The following GLB1L2 variants were observed in gnomAD, a reference collection of about 807,000 sequenced individuals.
GLB1L2 encodes the protein beta-galactosidase-1-like protein 2.
Under a neutral mutation model 84.1 loss-of-function variants are expected in GLB1L2, and 68 were observed. That is an observed-to-expected ratio of 0.81 (90% CI 0.67 to 0.99). The LOEUF (loss-of-function observed/expected upper bound fraction) is 0.99, where lower values mean the gene tolerates loss of function less well. Among genes scored for constraint, GLB1L2 ranks in the 50% least tolerant of loss-of-function variants. The probability of loss-of-function intolerance (pLI) is 0.00; values close to 1 mark genes in which losing one functional copy is unlikely to be tolerated. For synonymous variants in GLB1L2, 290 were observed against 318.0 expected (o/e 0.91, Z 0.94); for missense variants, 762 against 805.6 (o/e 0.95, Z 0.66).
intron 1 of GLB1L2, among the ~76,000 whole-genome samples, chr11:134,341,528 GT>G (rs1943462574): frequency 6.6e-6 from 1 of 152,200 alleles, no homozygotes; most frequent in Non-Finnish European, 1.5e-5. Context: ...GAACATGGAA[GT>G]TTTCTCTTTA....
intron 1 of GLB1L2, among the ~76,000 whole-genome samples, chr11:134,332,534 C>T (rs1269427354): frequency 6.6e-6 from 1 of 152,160 alleles, no homozygotes; most frequent in Non-Finnish European, 1.5e-5. Flanking sequence ...TCTGCCCTTC[C>T]CCCAGGCCCC....
At chr11:134,362,854 G>C (rs1402423431) in intron 7 of GLB1L2, among the ~76,000 whole-genome samples, 1 of 152,160 alleles carries the variant, frequency 6.6e-6, no homozygotes, top group Non-Finnish European at 1.5e-5. Flanking sequence ...CTGGGAGTGG[G>C]GTGAGGCCTT....
intron 7 of GLB1L2, among the ~76,000 whole-genome samples, chr11:134,362,445 C>G (rs995532528): frequency 6.6e-6 from 1 of 152,342 alleles, no homozygotes; most frequent in South Asian, 2.1e-4. Context: ...AGGAAAGAGG[C>G]TCTCGGCTGC....
chr11:134,336,660 C>G (rs565416827), intron 1 of GLB1L2, among the ~76,000 whole-genome samples: 1 of 152,186 alleles, frequency 6.6e-6, no homozygotes, highest in East Asian at 1.9e-4. Context: ...AAGGAGATTC[C>G]GAGCCCAACT....
intron 8 of GLB1L2, among the ~76,000 whole-genome samples, chr11:134,365,888 G>A (rs1385944968): frequency 6.6e-6 from 1 of 152,210 alleles, no homozygotes. Flanking sequence ...CATGACCCGT[G>A]ATGGACAGAA....
chr11:134,345,161 G>A (rs1943536912), intron 4 of GLB1L2, 32 bp downstream of exon 4: 3 of 1,559,120 alleles, frequency 1.9e-6, no homozygotes, highest in Non-Finnish European at 2.6e-6. Flanking sequence ...CCTGTGTGCT[G>A]TGGCAAAAAG....
chr11:134,356,116 T>G, intron 5 of GLB1L2, 185 bp from the exon 6 acceptor site: 6 of 700,596 alleles, frequency 8.6e-6, no homozygotes, highest in African/African-American at 1.7e-5. Context: ...CTGGAGTTGT[T>G]TTCTTGATGT....
intron 1 of GLB1L2, 50 bp downstream of exon 1, chr11:134,332,197 C>T: frequency 3.0e-6 from 4 of 1,314,414 alleles, no homozygotes; most frequent in Non-Finnish European, 3.1e-6. Context: ...TTCCCCAGCC[C>T]TCCGCACCTC....
At chr11:134,357,623 G>C (rs1035177874) in intron 6 of GLB1L2, among the ~76,000 whole-genome samples, 4 of 152,256 alleles carry the variant, frequency 2.6e-5, no homozygotes, top group South Asian at 2.1e-4. Flanking sequence ...CCCCACGAGA[G>C]GAGAGTGCAG....
intron 10 of GLB1L2, among the ~76,000 whole-genome samples, chr11:134,369,253 T>C (rs1297111734): frequency 6.6e-6 from 1 of 152,320 alleles, no homozygotes; most frequent in South Asian, 2.1e-4. Flanking sequence ...AGTGTAGTAG[T>C]GTGATCATAG....
At chr11:134,356,712 C>T (rs1943707860) in intron 6 of GLB1L2, among the ~76,000 whole-genome samples, 1 of 152,198 alleles carries the variant, frequency 6.6e-6, no homozygotes, top group African/African-American at 2.4e-5. Context: ...TGGTTCCCAG[C>T]CCAGGCTGCA....
In GLB1L2 at chr11:134,338,533, C is replaced by G. The variant is rs965945436; in HGVS notation, c.87-4221C>G. On this transcript the variant is annotated intron_variant, in intron 1 of 18. Transcript: ENST00000535456. This position sits in a 1 kb window ranked among gnomAD's most constrained non-coding sequence, Gnocchi z 6.2. ...GCACTTTTTACTACACCTGGAATCT[C>G]CTGCCTGCTGGGGCCTGCCCTGTAC... Among the ~76,000 whole-genome samples, 2 of 152,170 alleles carry G rather than the reference C, an allele frequency of 1.3e-5. No individual in the cohort carries two copies. The highest frequency in any genetic ancestry group is 4.8e-5 in the African/African-American group (2 of 41,442).
At chr11:134,369,343 C>T (rs543270567) in intron 10 of GLB1L2, among the ~76,000 whole-genome samples, 1 of 152,220 alleles carries the variant, frequency 6.6e-6, no homozygotes, top group Non-Finnish European at 1.5e-5. Flanking sequence ...CAGGTGTGCA[C>T]CCCCACCTCT....
chr11:134,370,199 G>T lies in GLB1L2; in HGVS notation c.1109-94G>T. Reference sequence around the variant, plus strand: ...TTCCTCTTGGTGCTGGGACGCAGGAGCACATCGGGTCTGTGGATGGGAGCC... The same window carrying T: ...TTCCTCTTGGTGCTGGGACGCAGGATCACATCGGGTCTGTGGATGGGAGCC... On this transcript the variant is annotated intron_variant, in intron 11 of 18. Transcript: ENST00000535456. This position sits in a 1 kb window ranked among gnomAD's most constrained non-coding sequence, Gnocchi z 4.7. 9.8e-7 allele frequency: 1 copy of T among 1,016,216 alleles called. No individual in the cohort carries two copies. The highest frequency in any genetic ancestry group is 1.6e-6 in the Non-Finnish European group (1 of 644,510). The allele number at this position is 1,016,216 out of a possible 1,614,324, so 62.9% of individuals were successfully genotyped here. A position where few individuals can be genotyped will look rare whatever the true frequency, so the allele number is the denominator to read the frequency against.
intron 1 of GLB1L2, among the ~76,000 whole-genome samples, chr11:134,335,098 C>T (rs995622760): frequency 1.3e-5 from 2 of 152,102 alleles, no homozygotes; most frequent in Non-Finnish European, 2.9e-5. Flanking sequence ...CTCTGAGGTC[C>T]GTCTCACACA....
chr11:134,360,469 C>G (rs1943767368), intron 7 of GLB1L2: 1 of 152,292 alleles, frequency 6.6e-6, no homozygotes, highest in African/African-American at 2.4e-5. Context: ...CCAAGGCCTG[C>G]TCCGGGCTCC....
intron 4 of GLB1L2, chr11:134,347,031 G>A (rs1943560847): frequency 2.7e-6 from 1 of 371,718 alleles, no homozygotes; most frequent in African/African-American, 2.0e-5. Flanking sequence ...ACTAGGCCTG[G>A]AGTCCTGTGA....
intron 7 of GLB1L2, chr11:134,360,996 A>G (rs909832304): frequency 6.6e-6 from 1 of 152,156 alleles, no homozygotes; most frequent in Non-Finnish European, 1.5e-5. Flanking sequence ...TACTGAAAAT[A>G]CAAAAAATTA....
At chr11:134,362,859 G>A (rs1413534446) in intron 7 of GLB1L2, among the ~76,000 whole-genome samples, 5 of 152,162 alleles carry the variant, frequency 3.3e-5, no homozygotes, top group African/African-American at 4.8e-5. Flanking sequence ...AGTGGGGTGA[G>A]GCCTTGGGCT....
Sources: allele counts gnomAD v4.1 joint callset (sites outside exome capture counted in the v4.1 genomes callset), GRCh38; gene constraint gnomAD v4.1.1; non-coding constraint Gnocchi (gnomAD v3.1); transcripts MANE v1.5; gene names NCBI Gene and HGNC (gene_info 2026-07-23, HGNC 2026-07-21).